The following ZNF644 variants were observed in gnomAD, a reference collection of about 807,000 sequenced individuals.
ZNF644 encodes zinc finger protein 644.
In ZNF644, 20 loss-of-function variants were observed where a neutral mutation model predicts 108.0. The ratio of observed to expected loss-of-function variants is 0.19; its 90% confidence interval spans 0.13 to 0.27. The LOEUF (loss-of-function observed/expected upper bound fraction) is 0.27. ZNF644 is among the 10% of genes least tolerant of loss of function. The pLI, the probability that ZNF644 is intolerant of heterozygous loss-of-function variation, is 1.00. For synonymous variants in ZNF644, 542 were observed against 539.1 expected, an observed-to-expected ratio of 1.01 and a Z score of -0.08; for missense variants, 1,338 against 1,548.9, an observed-to-expected ratio of 0.86 and a Z score of 2.29.
At chr1:90,974,093 C>T (rs932701167) in intron 2 of ZNF644, among the ~76,000 whole-genome samples, 2 of 152,130 alleles carry the variant, frequency 1.3e-5, no homozygotes, top group African/African-American at 4.8e-5. Context: ...CAAACAGGCT[C>T]TGCTAAGTCC....
chr1:90,960,216 A>G (rs1654191275), intron 2 of ZNF644, among the ~76,000 whole-genome samples: 1 of 151,746 alleles, frequency 6.6e-6, no homozygotes, highest in Non-Finnish European at 1.5e-5. Flanking sequence ...ATAAGAAGAG[A>G]AAAAAAATGC....
intron 2 of ZNF644, among the ~76,000 whole-genome samples, chr1:90,971,394 A>G (rs538174905): frequency 8.6e-4 from 131 of 151,918 alleles, no homozygotes; most frequent in African/African-American, 2.9e-3. Flanking sequence ...TCAATGTAAT[A>G]AAAGCAATAT....
chr1:90,920,044 C>T (rs1219505276), intron 4 of ZNF644, among the ~76,000 whole-genome samples: 2 of 151,924 alleles, frequency 1.3e-5, no homozygotes, highest in African/African-American at 2.4e-5. Context: ...TTTTCCTAAT[C>T]GCTTTGGTGA....
chr1:91,003,403 C>T (rs1407596402), intron 1 of ZNF644, among the ~76,000 whole-genome samples: 2 of 152,024 alleles, frequency 1.3e-5, no homozygotes, highest in Non-Finnish European at 2.9e-5. Flanking sequence ...AAGCTGGAAA[C>T]CATCATTCTC....
At chr1:90,956,491 C>T (rs571455920) in intron 2 of ZNF644, among the ~76,000 whole-genome samples, 1 of 152,074 alleles carries the variant, frequency 6.6e-6, no homozygotes, top group Non-Finnish European at 1.5e-5. Context: ...AATCTTGACA[C>T]AAATGAAAAT....
intron 2 of ZNF644, among the ~76,000 whole-genome samples, chr1:90,978,607 C>T (rs1165679882): frequency 6.6e-6 from 1 of 151,952 alleles, no homozygotes; most frequent in South Asian, 2.1e-4. Flanking sequence ...ATTTCAAATC[C>T]TTGGATTCGG....
At chr1:90,930,214 A>T (rs1650574750) in intron 4 of ZNF644, among the ~76,000 whole-genome samples, 1 of 152,226 alleles carries the variant, frequency 6.6e-6, no homozygotes, top group Non-Finnish European at 1.5e-5. Context: ...TGAACCTGGG[A>T]GGCAGAGGTT....
rs1402625121 is a variant in ZNF644, at chr1:90,976,103, A to C, written c.44+6207T>G. ...GCAATATGGACATCCAGTTAAATGA[A>C]ACTGTTTTTACGAAATAATGTCTAG... is the stretch of plus-strand genomic sequence containing the variant. On this transcript the variant is annotated intron_variant, in intron 2 of 5. Transcript: ENST00000337393. Among the ~76,000 whole-genome samples, 12 of 152,220 alleles carry C rather than the reference A, an allele frequency of 7.9e-5. 1 individual carries two copies. The highest frequency in any genetic ancestry group is 3.3e-4 in the Admixed American group (5 of 15,278).
At chr1:90,988,082 T>A (rs1657284733) in intron 1 of ZNF644, among the ~76,000 whole-genome samples, 1 of 151,974 alleles carries the variant, frequency 6.6e-6, no homozygotes, top group African/African-American at 2.4e-5. Flanking sequence ...GAAAAAAGAA[T>A]AAAATGCATT....
At chr1:90,946,387 C>T (rs564186605) in intron 2 of ZNF644, among the ~76,000 whole-genome samples, 2 of 152,100 alleles carry the variant, frequency 1.3e-5, no homozygotes, top group South Asian at 2.1e-4. Context: ...GGTTAGACTG[C>T]TTACTTGTCA....
At chr1:90,986,031 G>C (rs1461755526) in intron 1 of ZNF644, among the ~76,000 whole-genome samples, 4 of 151,714 alleles carry the variant, frequency 2.6e-5, no homozygotes, top group East Asian at 1.9e-4. Context: ...AAGTATGATA[G>C]AAAGTATTTT....
At chr1:90,967,755 T>G (rs1292096516) in intron 2 of ZNF644, among the ~76,000 whole-genome samples, 1 of 151,856 alleles carries the variant, frequency 6.6e-6, no homozygotes, top group Non-Finnish European at 1.5e-5. Context: ...CACAAAAAGA[T>G]CCAAGCTTAT....
At chr1:90,998,763 G>T (rs892969188) in intron 1 of ZNF644, among the ~76,000 whole-genome samples, 1 of 152,206 alleles carries the variant, frequency 6.6e-6, no homozygotes, top group African/African-American at 2.4e-5. Context: ...GCTAAAGGAG[G>T]AAGTTCAAAC....
intron 2 of ZNF644, among the ~76,000 whole-genome samples, chr1:90,955,894 T>C (rs1653704391): frequency 6.6e-6 from 1 of 152,210 alleles, no homozygotes; most frequent in Non-Finnish European, 1.5e-5. Flanking sequence ...GGCCTACCTT[T>C]TGGCCTGTCT....
intron 2 of ZNF644, 80 bp from the exon 3 acceptor site, chr1:90,941,389 AT>A: frequency 1.6e-6 from 2 of 1,279,878 alleles, no homozygotes; most frequent in Non-Finnish European, 2.2e-6. Flanking sequence ...GAAAGTACAT[AT>A]TTTTATTAGT....
chr1:90,991,317 T>A (rs988030295), intron 1 of ZNF644, among the ~76,000 whole-genome samples: 1 of 152,202 alleles, frequency 6.6e-6, no homozygotes, highest in African/African-American at 2.4e-5. Flanking sequence ...AAAACTTTCA[T>A]ACATTCATAT....
intron 1 of ZNF644, among the ~76,000 whole-genome samples, chr1:91,000,277 C>G (rs1271806184): frequency 6.6e-6 from 1 of 152,214 alleles, no homozygotes; most frequent in Non-Finnish European, 1.5e-5. Flanking sequence ...ACACTGACCA[C>G]ATAGTTGGAA....
rs1024807057 is a variant in ZNF644 at position 90,936,353 on chromosome 1, C to T, written c.3688+1132G>A. On this transcript the variant is annotated intron_variant, in intron 4 of 5. Coordinates refer to ENST00000337393, the MANE Select transcript of ZNF644 (RefSeq NM_201269.3). Reference sequence around the variant, plus strand: ...CAACACAGCTAACACATCTTCCCTGCGTTTTACCCTTCTGAAAAAATATTG... The same window carrying T: ...CAACACAGCTAACACATCTTCCCTGTGTTTTACCCTTCTGAAAAAATATTG... Among the ~76,000 whole-genome samples, 68 of 152,190 alleles carry T rather than the reference C, an allele frequency of 4.5e-4. 1 individual carries two copies. Among genetic ancestry groups the T allele is most frequent in the Admixed American group, 4.1e-3 (63 of 15,280 alleles).
chr1:90,954,289 A>G (rs957110147), intron 2 of ZNF644, among the ~76,000 whole-genome samples: 3 of 152,192 alleles, frequency 2.0e-5, no homozygotes, highest in African/African-American at 7.2e-5. Flanking sequence ...CAATGTTCAC[A>G]CTATTTTCAC....
Sources: allele counts gnomAD v4.1 joint callset (sites outside exome capture counted in the v4.1 genomes callset), GRCh38; gene constraint gnomAD v4.1.1; transcripts MANE v1.5; gene names NCBI Gene and HGNC (gene_info 2026-07-23, HGNC 2026-07-21).